Variants in ACAN observed in about 807,000 individuals in gnomAD.
The protein encoded by ACAN is aggrecan.
In ACAN, 47 loss-of-function variants were observed where a neutral mutation model predicts 169.1. The observed-to-expected ratio is 0.28, with a 90% CI of 0.22 to 0.35. The LOEUF is 0.35. Ranked by LOEUF, ACAN falls within the 10% of genes least tolerant of loss-of-function variation. The probability of loss-of-function intolerance (pLI) is 1.00; values close to 1 mark genes in which losing one functional copy is unlikely to be tolerated. For missense variants in ACAN, 2,716 were observed against 2,759.9 expected (o/e 0.98, Z 0.36); for synonymous variants, 1,115 against 1,112.2 (o/e 1.00, Z -0.05).
Position 88,839,917 on chromosome 15 carries a change from C to T in ACAN, c.455-95C>T. 4 of 1,438,362 alleles carry T rather than the reference C, an allele frequency of 2.8e-6. No homozygotes were observed. The highest frequency in any genetic ancestry group is 2.6e-5 in the South Asian group (2 of 75,710). 89.1% of individuals were successfully genotyped at this position (1,438,362 alleles called of 1,614,324 possible). On this transcript the variant is annotated intron_variant, in intron 3 of 18. Coordinates refer to ENST00000560601, the MANE Select transcript of ACAN (RefSeq NM_001369268.1). The surrounding 1 kb of genome is among the most constrained non-coding windows in gnomAD (Gnocchi z 4.5). Reference sequence around the variant, plus strand: ...CCCAGACCAGCCAGTTCCCTAAGGTCCCTTTGACTATTGCCATAATTCTGC... The same window carrying T: ...CCCAGACCAGCCAGTTCCCTAAGGTTCCTTTGACTATTGCCATAATTCTGC...
intron 11 of ACAN, among the ~76,000 whole-genome samples, chr15:88,853,896 C>G (rs1043944266): frequency 2.0e-5 from 3 of 151,882 alleles, no homozygotes; most frequent in Non-Finnish European, 4.4e-5. Context: ...CCCACCTCCC[C>G]CTCTAAGATT....
In ACAN at chr15:88,871,248, G is replaced by A. The variant is rs969994173; in HGVS notation, c.7061-134G>A. 2 of 1,280,994 alleles carry A rather than the reference G, an allele frequency of 1.6e-6. No homozygotes were observed. Among genetic ancestry groups the A allele is most frequent in the African/African-American group, 2.9e-5 (2 of 68,270 alleles). 79.4% of individuals were successfully genotyped at this position (1,280,994 alleles called of 1,614,324 possible). A position where few individuals can be genotyped will look rare whatever the true frequency, so the allele number is the denominator to read the frequency against. On this transcript the variant is annotated intron_variant, in intron 14 of 18. Transcript: ENST00000560601. The surrounding 1 kb of genome is among the most constrained non-coding windows in gnomAD (Gnocchi z 7.8). ...GTTTCCAACCTGAACTCCTCCAGCT[G>A]TGCCTCTCCCTTCCCTTGAGGGCAC...
At chr15:88,809,712 C>A (rs918222020) in intron 1 of ACAN, among the ~76,000 whole-genome samples, 13 of 152,218 alleles carry the variant, frequency 8.5e-5, no homozygotes, top group African/African-American at 3.1e-4. Flanking sequence ...GCAGCTGCAT[C>A]CTCCAGAGAG....
chr15:88,845,594 G>C lies in ACAN; in HGVS notation c.1141G>C (p.Glu381Gln). The C allele has an allele frequency of 2.5e-6, 4 of 1,614,050 alleles. No homozygotes were observed. Among genetic ancestry groups the C allele is most frequent in the Non-Finnish European group, 3.4e-6 (4 of 1,179,912 alleles). ...CCAGACAGTGACCTGGCCTGACATG[G>C]AGCTGCCACTGCCTCGAAACATCAC... Reference protein sequence around the residue: ...TVQTVTWPDMELPLPRNITEG... With the variant: ...TVQTVTWPDMQLPLPRNITEG... The change falls in exon 7 of 19, where the codon GAG (glutamate) becomes CAG (glutamine). Residue 381 changes from glutamate (E) to glutamine (Q), a missense_variant. Transcript: ENST00000560601.
Position 88,838,777 on chromosome 15 carries a change from C to A in ACAN, c.185C>A (p.Thr62Asn), listed in dbSNP as rs200239326. The A allele has an allele frequency of 8.4e-4, 1,362 of 1,614,036 alleles. 2 individuals carry two copies. Among genetic ancestry groups the A allele is most frequent in the Non-Finnish European group, 1.1e-3 (1,271 of 1,179,898 alleles). Residue 62 changes from threonine to asparagine, a missense_variant, in exon 3 of 19, where the codon ACC becomes AAC. Thr to Asn is a moderately conservative substitution (Grantham distance 65). Transcript: ENST00000560601. The surrounding 1 kb of genome is among the most constrained non-coding windows in gnomAD (Gnocchi z 5.1). ...ATCGACCCCATGCACCCTGTGACCA[C>A]CGCCCCTTCTACCGCCCCACTGGCC... is the stretch of plus-strand genomic sequence containing the variant. ...YFIDPMHPVT[T>N]APSTAPLAPR... is the part of the protein sequence containing the mutation.
Position 88,849,326 on chromosome 15 carries a change from C to A in ACAN, c.1733-112C>A. On this transcript the variant is annotated intron_variant, in intron 9 of 18. Transcript: ENST00000560601. The surrounding 1 kb of genome is among the most constrained non-coding windows in gnomAD (Gnocchi z 5.1). ...TCAAAAAAGGGGTGATGGAGCTGGG[C>A]TGGGTCTTAGCCCTGGTGAGGAGGG... 1.8e-6 allele frequency: 2 copies of A among 1,104,600 alleles called. No individual in the cohort carries two copies. The highest frequency in any genetic ancestry group is 2.5e-6 in the Non-Finnish European group (2 of 799,982). The allele number at this position is 1,104,600 out of a possible 1,614,324, so 68.4% of individuals were successfully genotyped here. A position where few individuals can be genotyped will look rare whatever the true frequency, so the allele number is the denominator to read the frequency against.
At chr15:88,813,390 G>A (rs1413049106) in intron 1 of ACAN, among the ~76,000 whole-genome samples, 1 of 152,172 alleles carries the variant, frequency 6.6e-6, no homozygotes, top group Non-Finnish European at 1.5e-5. Context: ...ACTCAGAAAA[G>A]AATATGTCTT....
Position 88,871,976 on chromosome 15 carries a change from T to C in ACAN, c.7220-27T>C, listed in dbSNP as rs775910075. The C allele has an allele frequency of 1.9e-6, 3 of 1,587,418 alleles. No homozygotes were observed. Among genetic ancestry groups the C allele is most frequent in the Non-Finnish European group, 2.6e-6 (3 of 1,155,358 alleles). On this transcript the variant is annotated intron_variant, in intron 15 of 18. Coordinates refer to ENST00000560601, the MANE Select transcript of ACAN (RefSeq NM_001369268.1). The surrounding 1 kb of genome is among the most constrained non-coding windows in gnomAD (Gnocchi z 7.8). ...GACACCCTCAGGGTGTCCAGTGTGA[T>C]GCCTGACACCCTCACCCTTTCCCCA... is the stretch of plus-strand genomic sequence containing the variant.
chr15:88,850,968 G>A (rs1382882825), intron 10 of ACAN: 2 of 150,064 alleles, frequency 1.3e-5, no homozygotes, highest in Non-Finnish European at 2.9e-5. Context: ...AAAATTCAAA[G>A]TTCAGCCAGC....
chr15:88,811,075 C>T (rs1895808641), intron 1 of ACAN, among the ~76,000 whole-genome samples: 1 of 152,172 alleles, frequency 6.6e-6, no homozygotes, highest in Non-Finnish European at 1.5e-5. Context: ...GCCCTTCCTC[C>T]CTTGGTTCTC....
intron 4 of ACAN, 60 bp downstream of exon 4, chr15:88,840,246 C>G (rs964922066): frequency 6.7e-6 from 10 of 1,494,524 alleles, no homozygotes; most frequent in African/African-American, 1.4e-5. Context: ...GGGAGTGGGG[C>G]GGGTGCTGGG....
chr15:88,840,150 A>G lies in ACAN; in HGVS notation c.593A>G (p.Gln198Arg). 6.2e-7 allele frequency: 1 copy of G among 1,605,756 alleles called. No individual in the cohort carries two copies. The highest frequency in any genetic ancestry group is 1.7e-5 in the Admixed American group (1 of 59,124). The change falls in exon 4 of 19, where the codon CAG (glutamine) becomes CGG (arginine). Residue 198 changes from glutamine to arginine, a missense_variant. Physicochemically the swap from Gln to Arg is conservative, Grantham distance 43. Transcript: ENST00000560601. The stretch of plus-strand genomic sequence containing the variant: ...GCCGCCTACGAAGACGGCTTCCACC[A>G]GTGTGACGCCGGCTGGCTGGCTGAC... The part of the protein sequence containing the change: ...LQAAYEDGFH[Q>R]CDAGWLADQT...
rs1450602112 is a variant in ACAN, at chr15:88,857,454, T to C, written c.4869T>C (p.Ser1623=). ...TLGSGQAPET[S]GLPSGFSGEY... is the part of the protein sequence containing the mutation. ...GAAGTGGGCAAGCTCCAGAAACAAG[T>C]GGTCTTCCCTCTGGATTTAGTGGTG... The change falls in exon 12 of 19, where the codon AGT becomes AGC. Residue 1623 remains serine (S), a synonymous_variant. Coordinates refer to ENST00000560601, the MANE Select transcript of ACAN (RefSeq NM_001369268.1). 1.2e-6 allele frequency: 2 copies of C among 1,613,900 alleles called. No homozygotes were observed. Among genetic ancestry groups the C allele is most frequent in the South Asian group, 2.2e-5 (2 of 91,086 alleles).
chr15:88,806,307 T>C (rs930485101), intron 1 of ACAN, among the ~76,000 whole-genome samples: 3 of 152,160 alleles, frequency 2.0e-5, no homozygotes, highest in African/African-American at 7.2e-5. Flanking sequence ...AAATTTCAAA[T>C]GTTTTCTCTT....
intron 1 of ACAN, among the ~76,000 whole-genome samples, chr15:88,828,269 C>G (rs1337017491): frequency 6.6e-6 from 1 of 152,134 alleles, no homozygotes; most frequent in Non-Finnish European, 1.5e-5. Flanking sequence ...AGGGCCAGAC[C>G]CTAGCCCCAG....
rs1273739398 is a variant in ACAN, at chr15:88,871,133, G to T, written c.7061-249G>T. On this transcript the variant is annotated intron_variant, in intron 14 of 18. Transcript: ENST00000560601. This position sits in a 1 kb window ranked among gnomAD's most constrained non-coding sequence, Gnocchi z 7.8. ...AGAGGAGGAAAGCTTGGGAGAGGGTGAGGGGGGAGGGCGTGGCATCAGGGA... is the reference window on the plus strand; with the variant it reads ...AGAGGAGGAAAGCTTGGGAGAGGGTTAGGGGGGAGGGCGTGGCATCAGGGA... Among the ~76,000 whole-genome samples, 2 of 152,206 alleles carry T rather than the reference G, an allele frequency of 1.3e-5. No homozygotes were observed. Among genetic ancestry groups the T allele is most frequent in the African/African-American group, 4.8e-5 (2 of 41,446 alleles).
chr15:88,852,287 C>G (rs1445426193), intron 11 of ACAN, among the ~76,000 whole-genome samples: 6 of 152,204 alleles, frequency 3.9e-5, no homozygotes, highest in African/African-American at 1.4e-4. Flanking sequence ...CCTTATTTCC[C>G]TTGCATGAAC....
rs1896593327 is a variant in ACAN, at chr15:88,839,449, G to T, written c.454+403G>T. On this transcript the variant is annotated intron_variant, in intron 3 of 18. Coordinates refer to ENST00000560601, the MANE Select transcript of ACAN (RefSeq NM_001369268.1). This position sits in a 1 kb window ranked among gnomAD's most constrained non-coding sequence, Gnocchi z 4.5. ...CTCCCCCTCTCCACTCTTATTCTCA[G>T]TTCCAGAAGCCAAAGCAAGGGCTGA... Among the ~76,000 whole-genome samples, 1 of 152,168 alleles carries T rather than the reference G, an allele frequency of 6.6e-6. No homozygotes were observed. The highest frequency in any genetic ancestry group is 2.4e-5 in the African/African-American group (1 of 41,446).
At position 88,846,040 on chromosome 15, in the gene ACAN, A is replaced by C. The variant is rs1020432227; in HGVS notation, c.1429+158A>C. ...CTTATTCTCCTCATCTGTGGAACAA[A>C]AACAATAGGCCAGACTAGTCAGGTC... On this transcript the variant is annotated intron_variant, in intron 7 of 18. Transcript: ENST00000560601. Among the ~76,000 whole-genome samples the C allele has an allele frequency of 3.3e-5, 5 of 152,184 alleles. No individual in the cohort carries two copies. In the East Asian group the frequency reaches 9.6e-4, roughly 29 times the overall value.
Sources: allele counts gnomAD v4.1 joint callset (sites outside exome capture counted in the v4.1 genomes callset), GRCh38; gene constraint gnomAD v4.1.1; non-coding constraint Gnocchi (gnomAD v3.1); transcripts MANE v1.5; gene names NCBI Gene and HGNC (gene_info 2026-07-23, HGNC 2026-07-21).